CCDC34: variants seen among roughly 807,000 people sequenced by gnomAD.
The protein encoded by CCDC34 is coiled-coil domain-containing protein 34.
In CCDC34, 40 loss-of-function variants were observed where a neutral mutation model predicts 44.1. The ratio of observed to expected loss-of-function variants is 0.91; its 90% CI spans 0.70 to 1.18. The LOEUF (loss-of-function observed/expected upper bound fraction) is 1.18, where lower values mean the gene tolerates loss of function less well. Ranked by LOEUF, CCDC34 falls within the 50% of genes most tolerant of loss-of-function variation. The probability of loss-of-function intolerance (pLI) is 0.00; values close to 1 mark genes in which losing one functional copy is unlikely to be tolerated. For synonymous variants in CCDC34, 159 were observed against 158.2 expected, an observed-to-expected ratio of 1.01 and a Z score of -0.04; for missense variants, 466 against 452.3, an observed-to-expected ratio of 1.03 and a Z score of -0.28.
intron 2 of CCDC34, among the ~76,000 whole-genome samples, chr11:27,356,008 ATTTTTTTTTTTTTT>A (rs34146389): frequency 1.4e-4 from 10 of 69,510 alleles, no homozygotes; most frequent in South Asian, 1.8e-3. Flanking sequence ...TGTTCCCAGG[ATTTTTTTTTTTTTT>A]TTTTTTTTTT....
At chr11:27,343,024 A>G (rs1862382825) in intron 3 of CCDC34, among the ~76,000 whole-genome samples, 1 of 152,252 alleles carries the variant, frequency 6.6e-6, no homozygotes, top group African/African-American at 2.4e-5. Flanking sequence ...CATTAATATA[A>G]GCAATTCAAT....
Position 27,362,961 on chromosome 11 carries a change from G to A in CCDC34, c.234C>T (p.Asp78=). 1 of 1,614,088 alleles carries A rather than the reference G, an allele frequency of 6.2e-7. No individual in the cohort carries two copies. Among genetic ancestry groups the A allele is most frequent in the Non-Finnish European group, 8.5e-7 (1 of 1,180,006 alleles). ...SPLGHQSFQF[D]EDDGDGEDEE... ...CATCCTCCCCGTCACCGTCGTCCTC[G>A]TCAAACTGGAAGCTCTGGTGGCCAA... The change falls in exon 1 of 6, where the codon GAC becomes GAT. Residue 78 remains aspartate (D), a synonymous_variant. Coordinates refer to ENST00000328697, the MANE Select transcript of CCDC34 (RefSeq NM_030771.2).
chr11:27,344,411 T>G (rs143840809), intron 3 of CCDC34, among the ~76,000 whole-genome samples: 134 of 152,214 alleles, frequency 8.8e-4, no homozygotes, highest in African/African-American at 3.1e-3. Context: ...CAAACATGTA[T>G]GCTATATATT....
intron 5 of CCDC34, among the ~76,000 whole-genome samples, chr11:27,339,765 CTGTT>C (rs1167725498): frequency 6.6e-6 from 1 of 152,076 alleles, no homozygotes; most frequent in Non-Finnish European, 1.5e-5. Flanking sequence ...GACAAATATG[CTGTT>C]TGTTAGAATT....
At chr11:27,348,946 G>A (rs1425742672) in intron 3 of CCDC34, 1 of 984,668 alleles carries the variant, frequency 1.0e-6, no homozygotes, top group Non-Finnish European at 1.2e-6. Flanking sequence ...AGTGATTTAT[G>A]TCAGGGCAAG....
At chr11:27,357,061 T>C (rs552145090) in intron 2 of CCDC34, among the ~76,000 whole-genome samples, 2 of 152,314 alleles carry the variant, frequency 1.3e-5, no homozygotes, top group South Asian at 2.1e-4. Flanking sequence ...CCAGTGTATG[T>C]AGACATACAA....
chr11:27,349,477 C>T, intron 3 of CCDC34: 2 of 867,002 alleles, frequency 2.3e-6, no homozygotes, highest in Non-Finnish European at 2.8e-6. Flanking sequence ...TTAGATTCAA[C>T]AATAAAGATA....
At chr11:27,355,087 T>TA (rs1038070369) in intron 2 of CCDC34, among the ~76,000 whole-genome samples, 1 of 152,162 alleles carries the variant, frequency 6.6e-6, no homozygotes, top group African/African-American at 2.4e-5. Context: ...GTACACTGAC[T>TA]AAAAATGACT....
At chr11:27,354,923 T>C (rs1301883440) in intron 2 of CCDC34, among the ~76,000 whole-genome samples, 4 of 152,160 alleles carry the variant, frequency 2.6e-5, no homozygotes, top group African/African-American at 9.7e-5. Context: ...CTCTAACATC[T>C]GGCTTATAGA....
chr11:27,358,868 C>A (rs1052614837), intron 1 of CCDC34, among the ~76,000 whole-genome samples: 1 of 151,918 alleles, frequency 6.6e-6, no homozygotes. Context: ...TCTTACAATC[C>A]TACGTCAGTG....
At chr11:27,361,396 A>G (rs748241811) in intron 1 of CCDC34, among the ~76,000 whole-genome samples, 1 of 152,264 alleles carries the variant, frequency 6.6e-6, no homozygotes, top group African/African-American at 2.4e-5. Flanking sequence ...CAGATTGCTT[A>G]GTCCAGTTGA....
intron 3 of CCDC34, among the ~76,000 whole-genome samples, chr11:27,344,292 G>A (rs995964895): frequency 1.3e-5 from 2 of 151,992 alleles, no homozygotes; most frequent in African/African-American, 4.8e-5. Flanking sequence ...TATCAGAAAC[G>A]TTCCATATGA....
At position 27,357,419 on chromosome 11, in the gene CCDC34, TGCA is replaced by T. The variant is rs746683112; in HGVS notation, c.479_481del (p.Leu160del). 123 of 1,613,846 alleles carry T rather than the reference TGCA, an allele frequency of 7.6e-5. No individual in the cohort carries two copies. Among genetic ancestry groups the T allele is most frequent in the Non-Finnish European group, 1.0e-4 (122 of 1,179,892 alleles). ...TAGTTTTACCTCTAGAGCTTTCAGTTGCAGCCGGTCACGTTCTTCTTTTTCTTT... is the reference window on the plus strand; with the variant it reads ...TAGTTTTACCTCTAGAGCTTTCAGTTGCCGGTCACGTTCTTCTTTTTCTTT... On this transcript the variant is annotated inframe_deletion, in exon 2 of 6. Transcript: ENST00000328697.
chr11:27,343,517 A>G (rs1361503152), intron 3 of CCDC34, among the ~76,000 whole-genome samples: 1 of 152,214 alleles, frequency 6.6e-6, no homozygotes, highest in Non-Finnish European at 1.5e-5. Flanking sequence ...CATGCTGAGA[A>G]CTCAATAGCC....
At chr11:27,339,096 A>G (rs1180153167) in intron 5 of CCDC34, 61 bp from the exon 6 acceptor site, 1 of 1,215,464 alleles carries the variant, frequency 8.2e-7, no homozygotes, top group African/African-American at 1.5e-5. Context: ...CAAAGAAGCC[A>G]CTTAAAACTT....
In CCDC34 at chr11:27,362,818, G is replaced by T. The variant is rs1184737717; in HGVS notation, c.359+18C>A. 1.2e-6 allele frequency: 2 copies of T among 1,608,732 alleles called. No individual in the cohort carries two copies. Among genetic ancestry groups the T allele is most frequent in the Admixed American group, 1.7e-5 (1 of 59,712 alleles). On this transcript the variant is annotated intron_variant, in intron 1 of 5. Transcript: ENST00000328697. Reference sequence around the variant, plus strand: ...AATCTTGAAAAGGGCTGAATCGGCCGGGCGGCCTCGGGTTTACCTGGCGCA... The same window carrying T: ...AATCTTGAAAAGGGCTGAATCGGCCTGGCGGCCTCGGGTTTACCTGGCGCA...
At chr11:27,353,167 C>A (rs543012186) in intron 2 of CCDC34, among the ~76,000 whole-genome samples, 2 of 152,228 alleles carry the variant, frequency 1.3e-5, no homozygotes, top group South Asian at 4.1e-4. Context: ...GTTTTGCCTA[C>A]TTTCAAATAA....
intron 3 of CCDC34, chr11:27,350,125 G>C: frequency 1.4e-6 from 2 of 1,424,162 alleles, no homozygotes; most frequent in Non-Finnish European, 1.8e-6. Context: ...ATTAGTGCAA[G>C]CCACAGGAGG....
At chr11:27,348,322 A>G (rs1423140305) in intron 3 of CCDC34, among the ~76,000 whole-genome samples, 1 of 152,258 alleles carries the variant, frequency 6.6e-6, no homozygotes. Flanking sequence ...GTCTTACATT[A>G]GAAAATCAGT....
Sources: gnomAD v4.1 joint callset for allele counts (sites outside exome capture counted in the v4.1 genomes callset) on GRCh38, gnomAD v4.1.1 for gene constraint, MANE v1.5 for transcripts, NCBI Gene and HGNC (gene_info 2026-07-23, HGNC 2026-07-21) for gene names.